The following GALNT13 variants were observed in gnomAD, a reference collection of about 807,000 sequenced individuals.
The protein encoded by GALNT13 is polypeptide N-acetylgalactosaminyltransferase 13.
GALNT13 carries 28 observed loss-of-function variants against 64.2 expected under a neutral mutation model. The observed-to-expected ratio is 0.44, with a 90% CI of 0.32 to 0.60. The LOEUF (loss-of-function observed/expected upper bound fraction) is 0.60. Among genes scored for constraint, GALNT13 ranks in the 20% least tolerant of loss-of-function variants. The probability of loss-of-function intolerance (pLI) is 0.05; values close to 1 mark genes in which losing one functional copy is unlikely to be tolerated. For synonymous variants in GALNT13, 214 were observed against 224.6 expected (o/e 0.95, Z 0.42); for missense variants, 577 against 669.8 (o/e 0.86, Z 1.53).
intron 3 of GALNT13, among the ~76,000 whole-genome samples, chr2:154,133,536 A>T (rs984114917): frequency 0.024 from 154 of 6,318 alleles, no homozygotes; most frequent in Non-Finnish European, 0.046. Context: ...AGACCATTTT[A>T]TATATATATA....
chr2:153,469,242 G>A, the GALNT13 span, among the ~76,000 whole-genome samples: 4 of 152,180 alleles, frequency 2.6e-5, no homozygotes, highest in African/African-American at 7.2e-5. Flanking sequence ...TGTGCCTCCA[G>A]CCTCAGATTC....
At chr2:153,800,045 GC>G in the GALNT13 span, among the ~76,000 whole-genome samples, 14 of 118,930 alleles carry the variant, frequency 1.2e-4, no homozygotes, top group African/African-American at 4.3e-4. Flanking sequence ...CATTTAGTTT[GC>G]TCTCTCTCTC....
At chr2:154,061,178 A>G (rs898066775) in intron 3 of GALNT13, among the ~76,000 whole-genome samples, 1 of 152,094 alleles carries the variant, frequency 6.6e-6, no homozygotes, top group Non-Finnish European at 1.5e-5. Context: ...ATACTTTATT[A>G]TATGCTCTGT....
chr2:154,273,368 A>G (rs953392094), intron 8 of GALNT13, among the ~76,000 whole-genome samples: 1 of 152,158 alleles, frequency 6.6e-6, no homozygotes, highest in Admixed American at 6.6e-5. Flanking sequence ...TTATGCAGCT[A>G]TGAAGTGAGC....
In GALNT13 at chr2:154,451,703, C is replaced by T. The variant is rs1701876521; in HGVS notation, c.*1152C>T. The T allele has an allele frequency of 6.6e-6, 1 of 151,984 alleles. No individual in the cohort carries two copies. Among genetic ancestry groups the T allele is most frequent in the South Asian group, 2.1e-4 (1 of 4,824 alleles). The allele number at this position is 151,984 out of a possible 1,614,324, so 9.4% of individuals were successfully genotyped here. ...AGGCTACATTCACATTTTCTTTTCT[C>T]ATCTTAAAACCCTTTATGTTCAAAA... On this transcript the variant is annotated 3_prime_UTR_variant, in exon 13 of 13. Coordinates refer to ENST00000392825, the MANE Select transcript of GALNT13 (RefSeq NM_052917.4).
chr2:153,287,791 A>C, the GALNT13 span, among the ~76,000 whole-genome samples: 1 of 152,122 alleles, frequency 6.6e-6, no homozygotes, highest in Non-Finnish European at 1.5e-5. Flanking sequence ...TTCTGTAAGC[A>C]CAGGATGGGG....
chr2:153,113,263 C>T, the GALNT13 span, among the ~76,000 whole-genome samples: 40 of 152,046 alleles, frequency 2.6e-4, no homozygotes, highest in African/African-American at 9.7e-4. Context: ...TTCTTCTGTC[C>T]ATCTAGGCAG....
At chr2:153,674,889 T>A in the GALNT13 span, among the ~76,000 whole-genome samples, 2 of 152,080 alleles carry the variant, frequency 1.3e-5, no homozygotes, top group Admixed American at 1.3e-4. Context: ...GAGCGAAGGA[T>A]ATGAACAGAC....
At chr2:153,643,946 C>G in the GALNT13 span, among the ~76,000 whole-genome samples, 55 of 152,046 alleles carry the variant, frequency 3.6e-4, no homozygotes, top group African/African-American at 1.3e-3. Flanking sequence ...TAACAAGAAT[C>G]TGCAACAATC....
chr2:153,755,860 C>CCTCCT, the GALNT13 span, among the ~76,000 whole-genome samples: 1 of 152,130 alleles, frequency 6.6e-6, no homozygotes, highest in Middle Eastern at 3.4e-3. Flanking sequence ...TCGAACATAC[C>CCTCCT]CTCCTCACCA....
At chr2:153,570,117 GTC>G in the GALNT13 span, among the ~76,000 whole-genome samples, 1 of 152,116 alleles carries the variant, frequency 6.6e-6, no homozygotes, top group Admixed American at 6.6e-5. Context: ...GTTATTGCCT[GTC>G]TTTTGGATAA....
the GALNT13 span, among the ~76,000 whole-genome samples, chr2:153,281,775 A>G: frequency 4.0e-5 from 6 of 149,588 alleles, no homozygotes; most frequent in African/African-American, 1.5e-4. Flanking sequence ...AGCCTGATGG[A>G]GTTCCCTTTG....
intron 3 of GALNT13, among the ~76,000 whole-genome samples, chr2:154,044,134 T>C (rs1001177683): frequency 1.3e-5 from 2 of 151,422 alleles, no homozygotes; most frequent in Non-Finnish European, 3.0e-5. Context: ...ATAGAAGGCT[T>C]TGTAGGGGAT....
the GALNT13 span, among the ~76,000 whole-genome samples, chr2:153,686,623 GCT>G: frequency 6.6e-6 from 1 of 151,860 alleles, no homozygotes; most frequent in African/African-American, 2.4e-5. Flanking sequence ...CTATTTGAAT[GCT>G]CTTTATTTAT....
intron 3 of GALNT13, among the ~76,000 whole-genome samples, chr2:153,977,229 G>A (rs1367486167): frequency 6.6e-6 from 1 of 152,102 alleles, no homozygotes; most frequent in African/African-American, 2.4e-5. Flanking sequence ...TTTTATGCCT[G>A]TATACTTGCT....
intron 4 of GALNT13, among the ~76,000 whole-genome samples, chr2:154,232,274 G>T (rs1398828524): frequency 1.3e-5 from 2 of 152,060 alleles, no homozygotes; most frequent in South Asian, 2.1e-4. Flanking sequence ...CACATTTACA[G>T]CCTCTAAAGT....
chr2:153,638,782 G>C, the GALNT13 span, among the ~76,000 whole-genome samples: 1 of 152,040 alleles, frequency 6.6e-6, no homozygotes. Context: ...GACACCTCCA[G>C]TTTCTCAGTG....
At chr2:153,906,759 C>T (rs1688592815) in intron 2 of GALNT13, among the ~76,000 whole-genome samples, 1 of 151,490 alleles carries the variant, frequency 6.6e-6, no homozygotes, top group African/African-American at 2.4e-5. Context: ...GGGTATATAC[C>T]CAGTAATGGG....
At chr2:153,805,236 A>G in the GALNT13 span, among the ~76,000 whole-genome samples, 45 of 152,154 alleles carry the variant, frequency 3.0e-4, no homozygotes, top group South Asian at 2.3e-3. Flanking sequence ...AAAAAATCAA[A>G]GCAAGGGTAT....
Sources: allele counts gnomAD v4.1 joint callset (sites outside exome capture counted in the v4.1 genomes callset), GRCh38; gene constraint gnomAD v4.1.1; transcripts MANE v1.5; gene names NCBI Gene and HGNC (gene_info 2026-07-23, HGNC 2026-07-21).